Variants in PLD5 observed in about 807,000 individuals in gnomAD.
PLD5 encodes the protein inactive phospholipase D5.
In PLD5, 36 loss-of-function variants were observed where a neutral mutation model predicts 61.1. The observed-to-expected ratio is 0.59, with a 90% confidence interval of 0.45 to 0.78. PLD5 has a LOEUF of 0.78. Ranked by LOEUF, PLD5 falls within the 30% of genes least tolerant of loss-of-function variation. PLD5 has a pLI of 0.00. For synonymous variants in PLD5, 243 were observed against 242.8 expected (o/e 1.00, Z -0.01); for missense variants, 515 against 644.4 (o/e 0.80, Z 2.17).
intron 1 of PLD5, among the ~76,000 whole-genome samples, chr1:242,466,986 A>G (rs1462213617): frequency 6.6e-6 from 1 of 152,128 alleles, no homozygotes; most frequent in East Asian, 1.9e-4. Context: ...GATGTAGTTC[A>G]AAGGCTAACA....
chr1:242,235,315 C>T (rs1037825002), intron 4 of PLD5: 9 of 152,120 alleles, frequency 5.9e-5, no homozygotes, highest in African/African-American at 2.2e-4. Context: ...CAAGAAATAA[C>T]ACAATTCATT....
At chr1:242,107,547 C>A (rs1661161048) in intron 8 of PLD5, 124 bp downstream of exon 8, 1 of 936,650 alleles carries the variant, frequency 1.1e-6, no homozygotes, top group Admixed American at 2.8e-5. Context: ...ACTTAACGTG[C>A]TTTTTGAAGA....
chr1:242,117,205 C>T (rs1162144419), intron 6 of PLD5, among the ~76,000 whole-genome samples: 4 of 152,158 alleles, frequency 2.6e-5, no homozygotes, highest in African/African-American at 9.7e-5. Flanking sequence ...TGCCAACTCC[C>T]ATCCTGTCTG....
intron 4 of PLD5, among the ~76,000 whole-genome samples, chr1:242,248,529 C>A (rs894267525): frequency 6.6e-6 from 1 of 151,896 alleles, no homozygotes; most frequent in Non-Finnish European, 1.5e-5. Context: ...TTTCTGCAAA[C>A]CAAAGAGAAT....
At chr1:242,480,946 G>C (rs1368276576) in intron 1 of PLD5, among the ~76,000 whole-genome samples, 1 of 152,052 alleles carries the variant, frequency 6.6e-6, no homozygotes, top group African/African-American at 2.4e-5. Context: ...GTCTGGTAGG[G>C]TTTTTTTAAT....
At chr1:242,322,805 G>A (rs1658505137) in intron 2 of PLD5, among the ~76,000 whole-genome samples, 2 of 152,302 alleles carry the variant, frequency 1.3e-5, no homozygotes, top group South Asian at 4.1e-4. Context: ...CCCCAGCCAT[G>A]CAGAACTGTG....
At chr1:242,406,941 A>AG (rs1664263196) in intron 1 of PLD5, among the ~76,000 whole-genome samples, 1 of 152,152 alleles carries the variant, frequency 6.6e-6, no homozygotes, top group Non-Finnish European at 1.5e-5. Context: ...TAGGGGTAAG[A>AG]GGGGAAATTG....
At chr1:242,242,563 G>A (rs1013055249) in intron 4 of PLD5, among the ~76,000 whole-genome samples, 2 of 152,158 alleles carry the variant, frequency 1.3e-5, no homozygotes, top group African/African-American at 4.8e-5. Flanking sequence ...ACTCTGTCAA[G>A]AATTAACACA....
chr1:242,325,468 A>G lies in PLD5; in HGVS notation c.326+22638T>C, dbSNP rs114162559. Among the ~76,000 whole-genome samples the G allele has an allele frequency of 9.7e-3, 1,155 of 119,320 alleles. 12 individuals carry two copies. Among genetic ancestry groups the G allele is most frequent in the African/African-American group, 0.034 (1,064 of 30,966 alleles). The allele number at this position is 119,320 out of a possible 152,430, so 78.3% of individuals were successfully genotyped here. A position where few individuals can be genotyped will look rare whatever the true frequency, so the allele number is the denominator to read the frequency against. On this transcript the variant is annotated intron_variant, in intron 2 of 9. Transcript: ENST00000536534. ...GAGAGATTGGGAGAGAGGGACAGAG[A>G]GAGTAGGGGGGAGAGAAGGTGGAGA...
chr1:242,440,669 C>A (rs1167235676), intron 1 of PLD5, among the ~76,000 whole-genome samples: 1 of 152,252 alleles, frequency 6.6e-6, no homozygotes. Context: ...ATCTGAGATA[C>A]AAGACACCTG....
intron 2 of PLD5, among the ~76,000 whole-genome samples, chr1:242,319,262 C>T (rs1658228807): frequency 6.6e-6 from 1 of 151,854 alleles, no homozygotes; most frequent in Non-Finnish European, 1.5e-5. Flanking sequence ...CATCTCTCAC[C>T]TTCATTGAAA....
intron 8 of PLD5, among the ~76,000 whole-genome samples, chr1:242,107,164 T>A (rs1661124033): frequency 6.6e-6 from 1 of 151,860 alleles, no homozygotes; most frequent in Non-Finnish European, 1.5e-5. Flanking sequence ...GAGCAGTAGG[T>A]GAATGGGGTC....
Position 242,251,486 on chromosome 1 carries a change from T to G in PLD5, c.607+13851A>C, listed in dbSNP as rs139898855. Among the ~76,000 whole-genome samples the G allele has an allele frequency of 7.7e-3, 1,160 of 151,440 alleles. 23 individuals carry two copies. The highest frequency in any genetic ancestry group is 0.026 in the African/African-American group (1,073 of 41,232). ...GTCATGTGATACAAGGTCTAAGATA[T>G]TCCCACCGAGTTCCATACCTGGAAG... On this transcript the variant is annotated intron_variant, in intron 4 of 9. Coordinates refer to ENST00000536534, the MANE Select transcript of PLD5 (RefSeq NM_001372062.1).
rs141726257 is a variant in PLD5, at chr1:242,313,909, G to T, written c.327-25379C>A. On this transcript the variant is annotated intron_variant, in intron 2 of 9. Transcript: ENST00000536534. ...GGGTTTTCAAGGTGAATATCACCTT[G>T]AGATAACAGAACTTGGCAGCAAGAG... Among the ~76,000 whole-genome samples the T allele has an allele frequency of 4.4e-3, 674 of 152,172 alleles. 7 individuals are homozygous for T. The highest frequency in any genetic ancestry group is 0.016 in the African/African-American group (651 of 41,492).
intron 3 of PLD5, among the ~76,000 whole-genome samples, chr1:242,271,196 A>ACG (rs1674049054): frequency 3.0e-4 from 4 of 13,172 alleles, no homozygotes; most frequent in African/African-American, 6.6e-4. Flanking sequence ...ACACACACAC[A>ACG]CACACAGAGA....
chr1:242,177,104 T>C (rs1010069240), intron 5 of PLD5, among the ~76,000 whole-genome samples: 2 of 152,214 alleles, frequency 1.3e-5, no homozygotes, highest in Admixed American at 6.5e-5. Flanking sequence ...TAAATCATTC[T>C]ACTATAAAGA....
At chr1:242,518,491 C>T (rs1455812810) in intron 1 of PLD5, among the ~76,000 whole-genome samples, 1 of 152,184 alleles carries the variant, frequency 6.6e-6, no homozygotes, top group Non-Finnish European at 1.5e-5. Flanking sequence ...TCAGTCAATT[C>T]AGTAAGAGAA....
chr1:242,303,848 C>T (rs559648894), intron 2 of PLD5, among the ~76,000 whole-genome samples: 13 of 152,340 alleles, frequency 8.5e-5, no homozygotes, highest in African/African-American at 2.4e-4. Flanking sequence ...TGCTTTTCCA[C>T]GAGAGGGCGA....
At chr1:242,333,096 A>C (rs971455068) in intron 2 of PLD5, among the ~76,000 whole-genome samples, 3 of 152,168 alleles carry the variant, frequency 2.0e-5, no homozygotes, top group African/African-American at 7.2e-5. Context: ...CCAGGAAAAC[A>C]TATGGAATGA....
Sources: allele counts gnomAD v4.1 joint callset (sites outside exome capture counted in the v4.1 genomes callset), GRCh38; gene constraint gnomAD v4.1.1; transcripts MANE v1.5; gene names NCBI Gene and HGNC (gene_info 2026-07-23, HGNC 2026-07-21).